SCEL: variants seen among roughly 807,000 people sequenced by gnomAD.
The protein encoded by SCEL is sciellin.
In SCEL, 113 loss-of-function variants were observed where a neutral mutation model predicts 117.6. That is an observed-to-expected ratio of 0.96 (90% CI 0.83 to 1.12). The LOEUF (loss-of-function observed/expected upper bound fraction) is 1.12. SCEL is among the 50% of genes most tolerant of loss of function. The pLI is 0.00. For missense variants in SCEL, 785 were observed against 810.8 expected (o/e 0.97, Z 0.39); for synonymous variants, 270 against 256.2 (o/e 1.05, Z -0.51).
rs564322631 is a variant in SCEL, at chr13:77,592,701, C to A, written c.693-813C>A. 5.3e-5 allele frequency among the ~76,000 whole-genome samples: 8 copies of A among 151,652 alleles called. No individual in the cohort carries two copies. In the South Asian group the frequency reaches 1.0e-3, roughly 20 times the overall value. ...AGCCTCCTGAGTAGTTGGGACTACG[C>A]GCACAGGCCACCACACCCAGCTAAT... On this transcript the variant is annotated intron_variant, in intron 11 of 32. Coordinates refer to ENST00000349847, the MANE Select transcript of SCEL (RefSeq NM_144777.3).
intron 27 of SCEL, 101 bp downstream of exon 27, chr13:77,618,161 C>G (rs2154403901): frequency 2.3e-6 from 2 of 856,344 alleles, no homozygotes; most frequent in Non-Finnish European, 4.0e-6. Context: ...TCCCTTACTC[C>G]TTTCCTCCCT....
chr13:77,537,946 A>G (rs1045184912), intron 1 of SCEL, among the ~76,000 whole-genome samples: 5 of 152,088 alleles, frequency 3.3e-5, no homozygotes, highest in African/African-American at 1.2e-4. Flanking sequence ...GTCCAAGGGA[A>G]ATCTTTATTG....
chr13:77,613,288 C>T (rs939594235), intron 23 of SCEL, among the ~76,000 whole-genome samples: 1 of 152,086 alleles, frequency 6.6e-6, no homozygotes, highest in Non-Finnish European at 1.5e-5. Flanking sequence ...TTTCTGTTCT[C>T]TCACAAACAC....
rs761009482 is a variant in SCEL, at chr13:77,610,132, C to T, written c.1337+26C>T. ...GTAAGGTTTATGGAACTCTCTATTTCTCCCCCCTTTTTTTTTCCTAATGAG... is the reference window on the plus strand; with the variant it reads ...GTAAGGTTTATGGAACTCTCTATTTTTCCCCCCTTTTTTTTTCCTAATGAG... On this transcript the variant is annotated intron_variant, in intron 22 of 32. Coordinates refer to ENST00000349847, the MANE Select transcript of SCEL (RefSeq NM_144777.3). 5 of 1,547,604 alleles carry T rather than the reference C, an allele frequency of 3.2e-6. No homozygotes were observed. In the South Asian group the frequency reaches 3.5e-5, roughly 11 times the overall value.
At chr13:77,583,968 CAT>C (rs1227113736) in intron 9 of SCEL, among the ~76,000 whole-genome samples, 1 of 152,242 alleles carries the variant, frequency 6.6e-6, no homozygotes, top group Admixed American at 6.5e-5. Context: ...CAAGTGTTCA[CAT>C]GTTTCTCGTG....
chr13:77,601,543 T>C (rs1407653887), intron 15 of SCEL, among the ~76,000 whole-genome samples: 1 of 152,226 alleles, frequency 6.6e-6, no homozygotes, highest in East Asian at 1.9e-4. Context: ...GTGAAAGTTT[T>C]ATTTCATTTA....
chr13:77,612,469 T>C lies in SCEL; in HGVS notation c.1338-422T>C, dbSNP rs868482085. On this transcript the variant is annotated intron_variant, in intron 22 of 32. Coordinates refer to ENST00000349847, the MANE Select transcript of SCEL (RefSeq NM_144777.3). ...CTTTTTTCTTTTCTTTTTTTTTTTT[T>C]TTTTTTTTTTTTTTTTACAAATTAT... 9.0e-4 allele frequency among the ~76,000 whole-genome samples: 132 copies of C among 146,594 alleles called. 2 individuals carry two copies. The highest frequency in any genetic ancestry group is 4.5e-3 in the South Asian group (21 of 4,618).
At chr13:77,636,087 C>T (rs1594195682) in intron 29 of SCEL, among the ~76,000 whole-genome samples, 1 of 152,206 alleles carries the variant, frequency 6.6e-6, no homozygotes, top group Admixed American at 6.5e-5. Flanking sequence ...CTTAACCTAG[C>T]AAGGATGGTG....
chr13:77,605,866 C>T (rs1448494147), intron 19 of SCEL, among the ~76,000 whole-genome samples: 2 of 151,870 alleles, frequency 1.3e-5, no homozygotes, highest in South Asian at 2.1e-4. Flanking sequence ...GTTAGCTGGG[C>T]GTCCCAACTA....
At chr13:77,568,959 C>T (rs2085441801) in intron 7 of SCEL, among the ~76,000 whole-genome samples, 2 of 152,068 alleles carry the variant, frequency 1.3e-5, no homozygotes, top group South Asian at 4.1e-4. Context: ...TGAATAAATG[C>T]CAGATAGAGA....
intron 30 of SCEL, among the ~76,000 whole-genome samples, chr13:77,640,311 TG>T (rs1459561909): frequency 2.6e-5 from 4 of 152,184 alleles, no homozygotes; most frequent in Admixed American, 1.3e-4. Flanking sequence ...CCGTGTAATC[TG>T]TAACATGATA....
intron 20 of SCEL, among the ~76,000 whole-genome samples, 195 bp downstream of exon 20, chr13:77,608,310 G>A (rs1405429050): frequency 6.6e-6 from 1 of 152,164 alleles, no homozygotes; most frequent in Non-Finnish European, 1.5e-5. Context: ...GGATCATAAT[G>A]TTTGTTTGGC....
chr13:77,580,550 C>T (rs996490412), intron 9 of SCEL, among the ~76,000 whole-genome samples: 1 of 152,124 alleles, frequency 6.6e-6, no homozygotes, highest in African/African-American at 2.4e-5. Flanking sequence ...TTGGTAAATT[C>T]AAATGATTCT....
intron 24 of SCEL, among the ~76,000 whole-genome samples, chr13:77,617,175 G>A (rs1440704814): frequency 6.6e-6 from 1 of 152,054 alleles, no homozygotes; most frequent in Non-Finnish European, 1.5e-5. Flanking sequence ...TGGATTGCTG[G>A]ACCTGTCTTT....
chr13:77,575,035 A>G (rs1023920145), intron 9 of SCEL, among the ~76,000 whole-genome samples: 14 of 152,088 alleles, frequency 9.2e-5, no homozygotes, highest in African/African-American at 2.9e-4. Context: ...AAGACCATCA[A>G]ACTTCCCTGT....
intron 9 of SCEL, among the ~76,000 whole-genome samples, chr13:77,578,610 C>A (rs914352688): frequency 3.3e-5 from 5 of 152,102 alleles, no homozygotes; most frequent in Non-Finnish European, 7.4e-5. Flanking sequence ...GAGATCAGGT[C>A]CCCAAAGGGA....
intron 27 of SCEL, among the ~76,000 whole-genome samples, chr13:77,619,483 A>G (rs2089288425): frequency 6.6e-6 from 1 of 152,194 alleles, no homozygotes; most frequent in South Asian, 2.1e-4. Context: ...CTGTGGTTAA[A>G]TCAGCTCAGA....
intron 1 of SCEL, among the ~76,000 whole-genome samples, chr13:77,540,018 T>C (rs1175376663): frequency 6.6e-6 from 1 of 152,118 alleles, no homozygotes; most frequent in Non-Finnish European, 1.5e-5. Context: ...ACAGTTTTCT[T>C]GAGGAAAACG....
intron 9 of SCEL, among the ~76,000 whole-genome samples, chr13:77,577,359 C>A (rs2086002956): frequency 6.6e-6 from 1 of 152,112 alleles, no homozygotes; most frequent in Admixed American, 6.5e-5. Context: ...AAGCAGGGAC[C>A]TTCTTCACAG....
Sources: gnomAD v4.1 joint callset for allele counts (sites outside exome capture counted in the v4.1 genomes callset) on GRCh38, gnomAD v4.1.1 for gene constraint, MANE v1.5 for transcripts, NCBI Gene and HGNC (gene_info 2026-07-23, HGNC 2026-07-21) for gene names.